The following CAMK4 variants were observed in gnomAD, a reference collection of about 807,000 sequenced individuals.
CAMK4 encodes calcium/calmodulin dependent protein kinase IV, also known as calcium/calmodulin-dependent protein kinase type IV.
CAMK4 carries 22 observed loss-of-function variants against 44.9 expected under a neutral mutation model. The ratio of observed to expected loss-of-function variants is 0.49; its 90% CI spans 0.35 to 0.70. The LOEUF (loss-of-function observed/expected upper bound fraction) is 0.70, where lower values mean the gene tolerates loss of function less well. Ranked by LOEUF, CAMK4 falls within the 30% of genes least tolerant of loss-of-function variation. CAMK4 has a pLI of 0.01. For synonymous variants in CAMK4, 218 were observed against 215.4 expected, an observed-to-expected ratio of 1.01 and a Z score of -0.11; for missense variants, 498 against 586.8, an observed-to-expected ratio of 0.85 and a Z score of 1.56.
intron 1 of CAMK4, among the ~76,000 whole-genome samples, chr5:111,314,047 T>C (rs571982270): frequency 6.6e-6 from 1 of 152,040 alleles, no homozygotes; most frequent in Non-Finnish European, 1.5e-5. Flanking sequence ...ATTTTGTTTT[T>C]CTGTAGAAGC....
At chr5:111,428,576 A>G (rs1006620901) in intron 5 of CAMK4, among the ~76,000 whole-genome samples, 5 of 152,234 alleles carry the variant, frequency 3.3e-5, no homozygotes, top group Admixed American at 1.3e-4. Flanking sequence ...TGGAGCAGAA[A>G]AATGCAATTG....
At chr5:111,354,878 C>T (rs1199944477) in intron 2 of CAMK4, among the ~76,000 whole-genome samples, 6 of 152,082 alleles carry the variant, frequency 3.9e-5, no homozygotes, top group Non-Finnish European at 8.8e-5. Context: ...TGGAGATTCC[C>T]TGCTCTGTCT....
At chr5:111,229,216 G>A (rs564418144) in intron 1 of CAMK4, among the ~76,000 whole-genome samples, 4 of 152,182 alleles carry the variant, frequency 2.6e-5, no homozygotes, top group Non-Finnish European at 4.4e-5. Context: ...TGGAGGCTAG[G>A]AAGTCCAAGA....
chr5:111,249,414 G>A (rs939869272), intron 1 of CAMK4, among the ~76,000 whole-genome samples: 3 of 151,142 alleles, frequency 2.0e-5, no homozygotes, highest in Non-Finnish European at 4.4e-5. Context: ...GTTATATATT[G>A]TATGTATAAT....
At chr5:111,409,298 A>G (rs1402548340) in intron 5 of CAMK4, among the ~76,000 whole-genome samples, 2 of 152,192 alleles carry the variant, frequency 1.3e-5, no homozygotes, top group Non-Finnish European at 2.9e-5. Flanking sequence ...CACAGGCTCA[A>G]CACCATGTGG....
At chr5:111,402,828 T>C (rs1259784546) in intron 5 of CAMK4, among the ~76,000 whole-genome samples, 1 of 152,214 alleles carries the variant, frequency 6.6e-6, no homozygotes, top group Non-Finnish European at 1.5e-5. Flanking sequence ...TTTTGCTATC[T>C]TGTAATTATG....
intron 1 of CAMK4, among the ~76,000 whole-genome samples, chr5:111,316,525 C>G (rs1287244030): frequency 4.6e-5 from 7 of 152,164 alleles, no homozygotes; most frequent in African/African-American, 1.7e-4. Flanking sequence ...TGATCTTCCT[C>G]TAGCTCTGAG....
chr5:111,484,177 T>C lies in CAMK4; in HGVS notation c.1133T>C (p.Ile378Thr). The C allele has an allele frequency of 6.2e-7, 1 of 1,613,956 alleles. No homozygotes were observed. The highest frequency in any genetic ancestry group is 8.5e-7 in the Non-Finnish European group (1 of 1,179,964). Residue 378 changes from isoleucine (I) to threonine (T), a missense_variant, in exon 11 of 11, where the codon ATT becomes ACT. Physicochemically the swap from Ile to Thr is moderately conservative, Grantham distance 89. Coordinates refer to ENST00000282356, the MANE Select transcript of CAMK4 (RefSeq NM_001744.6). The surrounding 1 kb of genome is among the most constrained non-coding windows in gnomAD (Gnocchi z 5.3). ...DMKAIPEGEK[I>T]QGDGAQAAVK... ...AAAGCTATTCCAGAAGGAGAGAAAA[T>C]TCAAGGCGATGGGGCCCAAGCCGCA...
At chr5:111,275,262 C>A (rs402420) in intron 1 of CAMK4, among the ~76,000 whole-genome samples, 2 of 151,836 alleles carry the variant, frequency 1.3e-5, no homozygotes, top group Admixed American at 1.3e-4. Context: ...ACTTTGTATT[C>A]TCAGCATGCT....
chr5:111,463,253 T>C (rs1754701205), intron 7 of CAMK4, among the ~76,000 whole-genome samples: 1 of 152,088 alleles, frequency 6.6e-6, no homozygotes, highest in African/African-American at 2.4e-5. Flanking sequence ...TCTTTTAAAA[T>C]GCATTTTTAA....
rs62376846 is a variant in CAMK4 at position 111,224,893 on chromosome 5, G to A, written c.161+249G>A. On this transcript the variant is annotated intron_variant, in intron 1 of 10. Coordinates refer to ENST00000282356, the MANE Select transcript of CAMK4 (RefSeq NM_001744.6). This position sits in a 1 kb window ranked among gnomAD's most constrained non-coding sequence, Gnocchi z 5.7. Reference sequence around the variant, plus strand: ...CCTCCCACCTTCCCTCCTTCTCGCAGGCTGCCACTTCCCTTGGGTGACAGC... The same window carrying A: ...CCTCCCACCTTCCCTCCTTCTCGCAAGCTGCCACTTCCCTTGGGTGACAGC... Among the ~76,000 whole-genome samples the A allele has an allele frequency of 0.18, 27,169 of 150,358 alleles. 3,063 individuals are homozygous for A. The highest frequency in any genetic ancestry group is 0.26 in the Non-Finnish European group (17,236 of 67,428).
intron 1 of CAMK4, among the ~76,000 whole-genome samples, chr5:111,323,033 G>A (rs189200544): frequency 9.2e-5 from 14 of 152,190 alleles, no homozygotes; most frequent in African/African-American, 2.9e-4. Context: ...TATCATAAAT[G>A]GAATATATGT....
chr5:111,353,798 A>C (rs1750213044), intron 2 of CAMK4, among the ~76,000 whole-genome samples: 1 of 152,146 alleles, frequency 6.6e-6, no homozygotes, highest in Non-Finnish European at 1.5e-5. Flanking sequence ...TAAGGAGGTG[A>C]AAGATCTGTA....
At chr5:111,419,209 T>C (rs2112912788) in intron 5 of CAMK4, among the ~76,000 whole-genome samples, 1 of 152,378 alleles carries the variant, frequency 6.6e-6, no homozygotes, top group Non-Finnish European at 1.5e-5. Context: ...ATGAGCATTT[T>C]TTCATGTGTC....
At chr5:111,424,327 T>C (rs976253778) in intron 5 of CAMK4, among the ~76,000 whole-genome samples, 2 of 152,224 alleles carry the variant, frequency 1.3e-5, no homozygotes, top group African/African-American at 4.8e-5. Flanking sequence ...AACTCAGTTC[T>C]TGAAAACTAC....
At chr5:111,397,613 T>G (rs1482816387) in intron 5 of CAMK4, among the ~76,000 whole-genome samples, 2 of 152,030 alleles carry the variant, frequency 1.3e-5, no homozygotes, top group Non-Finnish European at 2.9e-5. Context: ...AGTATGTTTG[T>G]ATGGTTATAA....
chr5:111,294,712 A>C (rs557796046), intron 1 of CAMK4, among the ~76,000 whole-genome samples: 1 of 152,042 alleles, frequency 6.6e-6, no homozygotes, highest in South Asian at 2.1e-4. Flanking sequence ...GGGAACTCAG[A>C]AGCACATGCA....
chr5:111,323,285 C>T (rs2112748), intron 1 of CAMK4, among the ~76,000 whole-genome samples: 9 of 152,056 alleles, frequency 5.9e-5, no homozygotes, highest in East Asian at 1.9e-4. Context: ...CCTATACTTA[C>T]GATTTTTTTT....
intron 2 of CAMK4, among the ~76,000 whole-genome samples, chr5:111,366,578 T>C (rs934781930): frequency 6.6e-6 from 1 of 152,140 alleles, no homozygotes; most frequent in Non-Finnish European, 1.5e-5. Flanking sequence ...TCATATGTTT[T>C]TAATTATTTC....
Sources: gnomAD v4.1 joint callset for allele counts (sites outside exome capture counted in the v4.1 genomes callset) on GRCh38, gnomAD v4.1.1 for gene constraint, Gnocchi (gnomAD v3.1) non-coding constraint, MANE v1.5 for transcripts, NCBI Gene and HGNC (gene_info 2026-07-23, HGNC 2026-07-21) for gene names.